Variants in CMSS1 observed in about 807,000 individuals in gnomAD.
The protein encoded by CMSS1 is protein CMSS1.
A neutral mutation model predicts 43.5 loss-of-function variants in CMSS1; 33 were observed. That is an observed-to-expected ratio of 0.76 (90% CI 0.57 to 1.01). The LOEUF (loss-of-function observed/expected upper bound fraction) is 1.01. CMSS1 is among the 50% of genes least tolerant of loss of function. CMSS1 has a pLI of 0.00. For synonymous variants in CMSS1, 115 were observed against 117.2 expected, an observed-to-expected ratio of 0.98 and a Z score of 0.12; for missense variants, 313 against 326.4, an observed-to-expected ratio of 0.96 and a Z score of 0.32.
At chr3:100,156,858 A>G (rs6788456) in intron 2 of CMSS1, among the ~76,000 whole-genome samples, 6,717 of 143,612 alleles carry the variant, frequency 0.047, 384 homozygotes, top group African/African-American at 0.15. Flanking sequence ...CTCGTGATCC[A>G]CCTGCCTCGG....
chr3:99,969,803 C>T (rs1273515319), intron 1 of CMSS1, among the ~76,000 whole-genome samples: 2 of 152,080 alleles, frequency 1.3e-5, no homozygotes, highest in African/African-American at 4.8e-5. Flanking sequence ...TATTGGATGG[C>T]TTGTCTAGAT....
At chr3:99,908,781 A>C (rs1706700995) in intron 1 of CMSS1, among the ~76,000 whole-genome samples, 1 of 152,186 alleles carries the variant, frequency 6.6e-6, no homozygotes, top group Non-Finnish European at 1.5e-5. Flanking sequence ...TATTATCACT[A>C]ATTATCAAGT....
intron 5 of CMSS1, 104 bp downstream of exon 5, chr3:100,166,498 A>T (rs1222611434): frequency 1.4e-6 from 1 of 709,034 alleles, no homozygotes; most frequent in East Asian, 2.6e-5. Flanking sequence ...ACATTAGGCC[A>T]TTATTGCTCT....
chr3:99,936,080 A>G (rs1176517140), intron 1 of CMSS1, among the ~76,000 whole-genome samples: 2 of 152,146 alleles, frequency 1.3e-5, no homozygotes, highest in Non-Finnish European at 2.9e-5. Context: ...CATACTTTTT[A>G]GTCTTCATTT....
In CMSS1 at chr3:100,177,779, C is replaced by T. The variant is rs140092195; in HGVS notation, c.757-526C>T. The stretch of plus-strand genomic sequence containing the variant: ...GGAGGATTACTTGAAGCCAGGAGTT[C>T]GAGACCCGCCTGGACAACAAAGCAA... On this transcript the variant is annotated intron_variant, in intron 9 of 9. Coordinates refer to ENST00000421999, the MANE Select transcript of CMSS1 (RefSeq NM_032359.4). 2.0e-4 allele frequency among the ~76,000 whole-genome samples: 30 copies of T among 152,192 alleles called. No individual in the cohort carries two copies. In the East Asian group the frequency reaches 3.1e-3, roughly 16 times the overall value.
At chr3:99,959,443 C>T (rs1052870096) in intron 1 of CMSS1, among the ~76,000 whole-genome samples, 2 of 152,158 alleles carry the variant, frequency 1.3e-5, no homozygotes, top group Non-Finnish European at 2.9e-5. Flanking sequence ...AGCCACCGGG[C>T]CTGGCCATTT....
intron 1 of CMSS1, among the ~76,000 whole-genome samples, chr3:99,958,059 CT>C (rs201659331): frequency 2.9e-4 from 40 of 139,472 alleles, no homozygotes; most frequent in Non-Finnish European, 3.0e-4. Flanking sequence ...AATGTCACTT[CT>C]TTTTTTTTTT....
At chr3:99,878,281 T>C (rs528537811) in intron 1 of CMSS1, among the ~76,000 whole-genome samples, 1 of 152,352 alleles carries the variant, frequency 6.6e-6, no homozygotes, top group East Asian at 1.9e-4. Context: ...CCTACCACCA[T>C]ACTTAGTGCT....
In CMSS1 at chr3:100,138,492, A is replaced by C. The variant is rs576200647; in HGVS notation, c.65-8481A>C. 1.1e-4 allele frequency among the ~76,000 whole-genome samples: 17 copies of C among 152,356 alleles called. No homozygotes were observed. In the East Asian group the frequency reaches 2.9e-3, roughly 26 times the overall value. The stretch of plus-strand genomic sequence containing the variant: ...ATTTACAAGGAACTTAAACAAATTT[A>C]CAAGAAAAAAACAACCCCATCAAAA... On this transcript the variant is annotated intron_variant, in intron 1 of 9. Transcript: ENST00000421999.
At chr3:99,937,138 A>G (rs547840378) in intron 1 of CMSS1, among the ~76,000 whole-genome samples, 39 of 151,782 alleles carry the variant, frequency 2.6e-4, no homozygotes, top group African/African-American at 8.2e-4. Flanking sequence ...GAGTTTCACC[A>G]TGTTGGCCAG....
chr3:100,082,768 T>A lies in CMSS1; in HGVS notation c.65-64205T>A, dbSNP rs181562099. ...GTTACATGTTTCTGTTTCTGTGAGG[T>A]CCATACATGTCACAAAATCTGTTTT... On this transcript the variant is annotated intron_variant, in intron 1 of 9. Transcript: ENST00000421999. Among the ~76,000 whole-genome samples, 13 of 152,298 alleles carry A rather than the reference T, an allele frequency of 8.5e-5. No homozygotes were observed. The East Asian group carries it at 2.5e-3, about 29-fold the overall frequency.
chr3:99,963,169 A>G (rs545214831), intron 1 of CMSS1, among the ~76,000 whole-genome samples: 14 of 152,352 alleles, frequency 9.2e-5, no homozygotes, highest in Admixed American at 5.9e-4. Context: ...TCTTACTCTT[A>G]GGGAAACCTT....
intron 1 of CMSS1, among the ~76,000 whole-genome samples, chr3:99,962,967 A>G (rs1471457669): frequency 1.3e-5 from 2 of 152,214 alleles, no homozygotes; most frequent in East Asian, 3.8e-4. Context: ...CATGTTACTC[A>G]CAGGCATTGC....
At chr3:99,873,486 T>G (rs1267533639) in intron 1 of CMSS1, among the ~76,000 whole-genome samples, 1 of 152,202 alleles carries the variant, frequency 6.6e-6, no homozygotes, top group Non-Finnish European at 1.5e-5. Flanking sequence ...TCCTTTTTCC[T>G]TTAAATAGGA....
At chr3:100,039,261 A>T (rs2107284589) in intron 1 of CMSS1, among the ~76,000 whole-genome samples, 1 of 152,322 alleles carries the variant, frequency 6.6e-6, no homozygotes, top group East Asian at 1.9e-4. Context: ...ACCTCAAAAA[A>T]CTGAGCAACC....
chr3:99,959,979 G>A (rs1302368900), intron 1 of CMSS1, among the ~76,000 whole-genome samples: 2 of 152,106 alleles, frequency 1.3e-5, no homozygotes, highest in Non-Finnish European at 2.9e-5. Flanking sequence ...AAAAAGATGG[G>A]AGTTAGGCCT....
chr3:99,837,841 T>C (rs1942963620), intron 1 of CMSS1, among the ~76,000 whole-genome samples: 1 of 152,220 alleles, frequency 6.6e-6, no homozygotes, highest in Non-Finnish European at 1.5e-5. Context: ...ACACCAAATG[T>C]GGCCTAAGTT....
At chr3:99,861,899 C>G (rs1007908500) in intron 1 of CMSS1, among the ~76,000 whole-genome samples, 2 of 152,114 alleles carry the variant, frequency 1.3e-5, no homozygotes, top group East Asian at 3.9e-4. Flanking sequence ...AACCTCCCTA[C>G]AAGTCTCATT....
chr3:99,910,542 A>G lies in CMSS1; in HGVS notation c.64+92499A>G, dbSNP rs770721345. ...GTGGCAGATGCATGTTGTTATATCC[A>G]GTACCCCTTACCACTTTCCAAGGAA... On this transcript the variant is annotated intron_variant, in intron 1 of 9. Coordinates refer to ENST00000421999, the MANE Select transcript of CMSS1 (RefSeq NM_032359.4). Among the ~76,000 whole-genome samples the G allele has an allele frequency of 1.0e-4, 14 of 136,986 alleles. 2 individuals are homozygous for G. The highest frequency in any genetic ancestry group is 4.0e-4 in the East Asian group (2 of 4,950). 89.9% of individuals were successfully genotyped at this position (136,986 alleles called of 152,430 possible).
Sources: allele counts gnomAD v4.1 joint callset (sites outside exome capture counted in the v4.1 genomes callset), GRCh38; gene constraint gnomAD v4.1.1; transcripts MANE v1.5; gene names NCBI Gene and HGNC (gene_info 2026-07-23, HGNC 2026-07-21).